CALCOCO2: variants seen among roughly 807,000 people sequenced by gnomAD.
CALCOCO2 encodes calcium-binding and coiled-coil domain-containing protein 2.
A neutral mutation model predicts 62.5 loss-of-function variants in CALCOCO2; 42 were observed. The ratio of observed to expected loss-of-function variants is 0.67; its 90% CI spans 0.53 to 0.87. The LOEUF (loss-of-function observed/expected upper bound fraction) is 0.87. Ranked by LOEUF, CALCOCO2 falls within the 40% of genes least tolerant of loss-of-function variation. The probability of loss-of-function intolerance (pLI) is 0.00; values close to 1 mark genes in which losing one functional copy is unlikely to be tolerated. For missense variants in CALCOCO2, 456 were observed against 515.0 expected (o/e 0.89, Z 1.11); for synonymous variants, 167 against 173.0 (o/e 0.97, Z 0.27).
chr17:48,853,266 T>G (rs1239193400), intron 9 of CALCOCO2: 1 of 406,312 alleles, frequency 2.5e-6, no homozygotes, highest in African/African-American at 2.0e-5. Flanking sequence ...AACTAGATCC[T>G]TGGACTAGGG....
chr17:48,848,312 G>A lies in CALCOCO2; in HGVS notation c.284-10G>A, dbSNP rs781413463. On this transcript the variant is annotated splice_polypyrimidine_tract_variant and intron_variant, in intron 3 of 12. Transcript: ENST00000258947. Reference sequence around the variant, plus strand: ...CTTATTTTGGATGAAAAATTATGTTGTGTTTTCAGCTTACTACCTGCCCAA... The same window carrying A: ...CTTATTTTGGATGAAAAATTATGTTATGTTTTCAGCTTACTACCTGCCCAA... 6.2e-7 allele frequency: 1 copy of A among 1,610,414 alleles called. No homozygotes were observed. Among genetic ancestry groups the A allele is most frequent in the Admixed American group, 1.7e-5 (1 of 59,556 alleles).
intron 2 of CALCOCO2, among the ~76,000 whole-genome samples, chr17:48,842,940 T>C (rs1007597715): frequency 1.3e-5 from 2 of 152,222 alleles, no homozygotes; most frequent in Non-Finnish European, 2.9e-5. Context: ...GAAATATTTA[T>C]GTATGACTTG....
At chr17:48,844,766 C>T (rs2040023410) in intron 2 of CALCOCO2, among the ~76,000 whole-genome samples, 1 of 152,168 alleles carries the variant, frequency 6.6e-6, no homozygotes, top group Admixed American at 6.5e-5. Context: ...GATGCACCCA[C>T]CTCAGCCTCC....
At chr17:48,847,997 T>C in intron 2 of CALCOCO2, 67 bp from the exon 3 acceptor site, 3 of 851,390 alleles carry the variant, frequency 3.5e-6, no homozygotes, top group Non-Finnish European at 5.9e-6. Flanking sequence ...TTTAAGAAGA[T>C]GTAGCCCAAT....
intron 6 of CALCOCO2, 129 bp from the exon 7 acceptor site, chr17:48,851,430 C>T: frequency 3.0e-6 from 2 of 669,280 alleles, no homozygotes; most frequent in South Asian, 1.7e-5. Flanking sequence ...AACAGGACTG[C>T]AATGGAGACT....
intron 10 of CALCOCO2, among the ~76,000 whole-genome samples, chr17:48,858,047 A>G (rs76076399): frequency 0.02 from 17 of 842 alleles, no homozygotes; most frequent in Non-Finnish European, 0.035. Flanking sequence ...TAGAATAGAA[A>G]ATAGAATAGA....
In CALCOCO2 at chr17:48,858,046, A is replaced by AAATAG. The variant is rs1555573798; in HGVS notation, c.1008+1883_1008+1887dup. On this transcript the variant is annotated intron_variant, in intron 10 of 12. Coordinates refer to ENST00000258947, the MANE Select transcript of CALCOCO2 (RefSeq NM_005831.5). Reference sequence around the variant, plus strand: ...ATAGAATAGAATAGAATAGAATAGAAAATAGAATAGAATAGAATAGAATAG... The same window carrying AAATAG: ...ATAGAATAGAATAGAATAGAATAGAAAATAGAATAGAATAGAATAGAATAGAATAG... Among the ~76,000 whole-genome samples the AAATAG allele has an allele frequency of 5.3e-3, 211 of 40,050 alleles. 27 individuals are homozygous for AAATAG. The highest frequency in any genetic ancestry group is 0.017 in the African/African-American group (186 of 10,812). 26.3% of individuals were successfully genotyped at this position (40,050 alleles called of 152,430 possible). A position where few individuals can be genotyped will look rare whatever the true frequency, so the allele number is the denominator to read the frequency against.
chr17:48,862,408 C>A, intron 12 of CALCOCO2, 104 bp downstream of exon 12: 1 of 830,688 alleles, frequency 1.2e-6, no homozygotes, highest in African/African-American at 1.7e-5. Context: ...ATTTTGATAA[C>A]TCCAGAAGTC....
chr17:48,863,087 C>A lies in CALCOCO2; in HGVS notation c.*82C>A. The A allele has an allele frequency of 2.0e-6, 2 of 1,015,404 alleles. No individual in the cohort carries two copies. The highest frequency in any genetic ancestry group is 1.3e-5 in the South Asian group (1 of 76,910). The allele number at this position is 1,015,404 out of a possible 1,614,324, so 62.9% of individuals were successfully genotyped here. The stretch of plus-strand genomic sequence containing the variant: ...TACCATGAGTTATATGAGTCAAGAT[C>A]CTGCCTAACCTGAAATTATTAGGGA... On this transcript the variant is annotated 3_prime_UTR_variant, in exon 13 of 13. Transcript: ENST00000258947.
rs2040368762 is a variant in CALCOCO2, at chr17:48,864,510, A to G, written c.*1505A>G. On this transcript the variant is annotated 3_prime_UTR_variant, in exon 13 of 13. Transcript: ENST00000258947. The stretch of plus-strand genomic sequence containing the variant: ...TAAGAAAGTAATAATTCCATTTTCT[A>G]TCCCCTCAGGGACTGAACAAATGGA... 6.5e-6 allele frequency: 1 copy of G among 153,286 alleles called. No homozygotes were observed. Among genetic ancestry groups the G allele is most frequent in the Non-Finnish European group, 1.5e-5 (1 of 68,212 alleles). 9.5% of individuals were successfully genotyped at this position (153,286 alleles called of 1,614,324 possible). A position where few individuals can be genotyped will look rare whatever the true frequency, so the allele number is the denominator to read the frequency against.
chr17:48,855,686 A>G (rs2040204695), intron 9 of CALCOCO2: 1 of 152,624 alleles, frequency 6.6e-6, no homozygotes, highest in Non-Finnish European at 1.5e-5. Flanking sequence ...CACTAACCCA[A>G]ACCTAAGTGC....
At chr17:48,855,863 CAA>C (rs11463396) in intron 9 of CALCOCO2, 4,050 of 166,492 alleles carry the variant, frequency 0.024, no homozygotes, top group East Asian at 0.042. Flanking sequence ...TCAGCTAAAC[CAA>C]AAAAAAAAAA....
intron 8 of CALCOCO2, 68 bp from the exon 9 acceptor site, chr17:48,852,858 C>T: frequency 8.2e-7 from 1 of 1,220,180 alleles, no homozygotes; most frequent in Non-Finnish European, 1.2e-6. Context: ...CTTAGCAGGC[C>T]CTTCCATGGT....
chr17:48,843,100 A>T (rs556304726), intron 2 of CALCOCO2, among the ~76,000 whole-genome samples: 10 of 152,308 alleles, frequency 6.6e-5, no homozygotes, highest in African/African-American at 2.4e-4. Context: ...TTTATTCCTG[A>T]ATAAGTGCGT....
rs2040186426 is a variant in CALCOCO2 at position 48,854,606 on chromosome 17, A to C, written c.913-1486A>C. ...TTTTTAGTAGAGACGGGGTTTTGCC[A>C]TGTTGGCTAGGCTGGTCTCAAACTC... On this transcript the variant is annotated intron_variant, in intron 9 of 12. Coordinates refer to ENST00000258947, the MANE Select transcript of CALCOCO2 (RefSeq NM_005831.5). Among the ~76,000 whole-genome samples, 4 of 149,886 alleles carry C rather than the reference A, an allele frequency of 2.7e-5. No homozygotes were observed. The South Asian group carries it at 8.5e-4, about 32-fold the overall frequency.
chr17:48,856,928 A>T (rs764329266), intron 10 of CALCOCO2, among the ~76,000 whole-genome samples: 1 of 151,716 alleles, frequency 6.6e-6, no homozygotes, highest in Non-Finnish European at 1.5e-5. Flanking sequence ...CCTCCCAAGT[A>T]GCTGGGACTA....
Position 48,848,557 on chromosome 17 carries a change from G to A in CALCOCO2, c.417+102G>A. 3 of 1,068,244 alleles carry A rather than the reference G, an allele frequency of 2.8e-6. No homozygotes were observed. In the Admixed American group the frequency reaches 5.8e-5, roughly 21 times the overall value. The allele number at this position is 1,068,244 out of a possible 1,614,324, so 66.2% of individuals were successfully genotyped here. A position where few individuals can be genotyped will look rare whatever the true frequency, so the allele number is the denominator to read the frequency against. On this transcript the variant is annotated intron_variant, in intron 4 of 12. Transcript: ENST00000258947. ...TAAGGCTTTATTGAATATCTAACGG[G>A]TATCATTGGAAAAAATGTATGTAGT...
Position 48,851,557 on chromosome 17 carries a change from A to G in CALCOCO2, c.633-2A>G, listed in dbSNP as rs757345840. The stretch of plus-strand genomic sequence containing the variant: ...TTCACATAGTTATCTCCACCTCTAC[A>G]GACTGAAAGAACAAAACCAGAAGAT... On this transcript the variant is annotated splice_acceptor_variant, in intron 6 of 12. Coordinates refer to ENST00000258947, the MANE Select transcript of CALCOCO2 (RefSeq NM_005831.5). LOFTEE classifies it high-confidence loss of function. The G allele has an allele frequency of 3.2e-6, 5 of 1,572,556 alleles. No homozygotes were observed. The Admixed American group carries it at 5.0e-5, about 16-fold the overall frequency.
chr17:48,832,744 C>A (rs897557801), intron 1 of CALCOCO2, among the ~76,000 whole-genome samples: 4 of 152,160 alleles, frequency 2.6e-5, no homozygotes, highest in East Asian at 3.8e-4. Flanking sequence ...GTTAGAATCA[C>A]CCCTGTCAAG....
Sources: gnomAD v4.1 joint callset for allele counts (sites outside exome capture counted in the v4.1 genomes callset) on GRCh38, gnomAD v4.1.1 for gene constraint, MANE v1.5 for transcripts, NCBI Gene and HGNC (gene_info 2026-07-23, HGNC 2026-07-21) for gene names.